The following EARS2 variants were observed in gnomAD, a reference collection of about 807,000 sequenced individuals.
The protein encoded by EARS2 is glutamyl-tRNA synthetase 2, mitochondrial.
A neutral mutation model predicts 54.1 loss-of-function variants in EARS2; 50 were observed. That is an observed-to-expected ratio of 0.92 (90% CI 0.74 to 1.17). EARS2 has a LOEUF of 1.17. Among genes scored for constraint, EARS2 ranks in the 50% most tolerant of loss-of-function variants. The pLI is 0.00. For synonymous variants in EARS2, 298 were observed against 281.0 expected, an observed-to-expected ratio of 1.06 and a Z score of -0.61; for missense variants, 673 against 675.0, an observed-to-expected ratio of 1.00 and a Z score of 0.03.
chr16:23,527,550 C>CTTTTTTT (rs33925429), intron 7 of EARS2, among the ~76,000 whole-genome samples: 2 of 84,482 alleles, frequency 2.4e-5, no homozygotes, highest in Non-Finnish European at 4.8e-5. Flanking sequence ...AGTGATCGTT[C>CTTTTTTT]TTTTTTTTTT....
intron 1 of EARS2, among the ~76,000 whole-genome samples, chr16:23,552,688 G>A (rs1266004943): frequency 1.3e-5 from 2 of 152,152 alleles, no homozygotes; most frequent in East Asian, 1.9e-4. Context: ...ACAGGCATTC[G>A]CCATGTTGGC....
At chr16:23,525,213 G>C (rs767970292) in intron 8 of EARS2, 31 bp downstream of exon 8, 89 of 1,614,004 alleles carry the variant, frequency 5.5e-5, no homozygotes, top group Non-Finnish European at 7.4e-5. Flanking sequence ...AGGGGCTCCA[G>C]GGAACAATCC....
upstream of EARS2, chr16:23,557,368 C>T (rs970957750): frequency 1.3e-6 from 2 of 1,536,886 alleles, no homozygotes; most frequent in Admixed American, 2.0e-5. Context: ...CACACGTGGG[C>T]TTCTCCCTGC....
Position 23,524,256 on chromosome 16 carries a change from C to A in EARS2, c.*115G>T. ...TGTGCAGTCAGAGATTGTTTCCACT[C>A]TTAGTTCCTTCAGCAAACTTCCCGA... On this transcript the variant is annotated 3_prime_UTR_variant, in exon 9 of 9. Coordinates refer to ENST00000449606, the MANE Select transcript of EARS2 (RefSeq NM_001083614.2). The A allele has an allele frequency of 1.2e-6, 1 of 846,192 alleles. No individual in the cohort carries two copies. Among genetic ancestry groups the A allele is most frequent in the East Asian group, 2.4e-5 (1 of 41,414 alleles). 52.4% of individuals were successfully genotyped at this position (846,192 alleles called of 1,614,324 possible). A position where few individuals can be genotyped will look rare whatever the true frequency, so the allele number is the denominator to read the frequency against.
At chr16:23,531,045 C>A (rs1321354367) in intron 5 of EARS2, among the ~76,000 whole-genome samples, 1 of 150,718 alleles carries the variant, frequency 6.6e-6, no homozygotes, top group African/African-American at 2.5e-5. Flanking sequence ...GCGCCCGCCA[C>A]GTCGGGCTGA....
intron 1 of EARS2, among the ~76,000 whole-genome samples, chr16:23,556,352 G>C (rs750189832): frequency 6.6e-6 from 1 of 152,122 alleles, no homozygotes; most frequent in Non-Finnish European, 1.5e-5. Context: ...TACCCAGAAG[G>C]TTCCTTCTTT....
chr16:23,545,471 G>C (rs1449044090), intron 2 of EARS2, among the ~76,000 whole-genome samples: 1 of 152,172 alleles, frequency 6.6e-6, no homozygotes, highest in African/African-American at 2.4e-5. Flanking sequence ...TGCCATAAAA[G>C]ACACTTTTCC....
rs977777840 is a variant in EARS2 at position 23,523,195 on chromosome 16, G to C, written c.*1176C>G. On this transcript the variant is annotated 3_prime_UTR_variant, in exon 9 of 9. Transcript: ENST00000449606. ...GGCCAACTTAGAGGCTGGCTGCCAT[G>C]CAGGGGAAGCCTAGAAGCCTGGTAG... The C allele has an allele frequency of 3.3e-5, 5 of 152,320 alleles. No homozygotes were observed. Among genetic ancestry groups the C allele is most frequent in the African/African-American group, 1.2e-4 (5 of 41,470 alleles). The allele number at this position is 152,320 out of a possible 1,614,324, so 9.4% of individuals were successfully genotyped here.
In EARS2 at chr16:23,554,503, C is replaced by G. The variant is rs1390434729; in HGVS notation, c.140-2199G>C. On this transcript the variant is annotated intron_variant, in intron 1 of 8. Transcript: ENST00000449606. ...TCTTACCGTACCTTCTTCGGACCAG[C>G]CCACAGCCCTAAGTCTCCACAATGA... 3.9e-5 allele frequency among the ~76,000 whole-genome samples: 6 copies of G among 152,194 alleles called. No individual in the cohort carries two copies. The East Asian group carries it at 1.2e-3, about 29-fold the overall frequency.
intron 1 of EARS2, 78 bp downstream of exon 1, chr16:23,557,127 G>A (rs553435071): frequency 2.0e-6 from 3 of 1,480,922 alleles, no homozygotes; most frequent in Non-Finnish European, 1.8e-6. Context: ...CCACCGGAAA[G>A]GATTCATTCG....
chr16:23,529,926 C>T, intron 5 of EARS2, 29 bp from the exon 6 acceptor site: 1 of 1,610,952 alleles, frequency 6.2e-7, no homozygotes, highest in South Asian at 1.1e-5. Context: ...GGCTGCCCTG[C>T]TGTCAACACC....
chr16:23,534,360 C>A (rs1039756400), intron 4 of EARS2, among the ~76,000 whole-genome samples: 2 of 152,194 alleles, frequency 1.3e-5, no homozygotes, highest in Non-Finnish European at 2.9e-5. Context: ...CTTGCTTCTT[C>A]AAGGTTTGGG....
intron 7 of EARS2, among the ~76,000 whole-genome samples, chr16:23,526,910 G>T (rs901272896): frequency 6.6e-6 from 1 of 152,074 alleles, no homozygotes; most frequent in Non-Finnish European, 1.5e-5. Context: ...GAATAGGCTG[G>T]GGATGAGTAT....
In EARS2 at chr16:23,544,530, T is replaced by C; in HGVS notation, c.469A>G (p.Asn157Asp). The C allele has an allele frequency of 1.2e-6, 2 of 1,613,782 alleles. No individual in the cohort carries two copies. Among genetic ancestry groups the C allele is most frequent in the Non-Finnish European group, 1.7e-6 (2 of 1,179,816 alleles). Reference sequence around the variant, plus strand: ...GGTTCTTACCGGGGCGTCTGGTGGTTCCGCAAGGCCTCCTTCTTCAGGAGC... The same window carrying C: ...GGTTCTTACCGGGGCGTCTGGTGGTCCCGCAAGGCCTCCTTCTTCAGGAGC... ...LELLKKEALRNHQTPRYDNRC... is the reference protein window; with the variant it reads ...LELLKKEALRDHQTPRYDNRC... Residue 157 changes from asparagine to aspartate, a missense_variant, in exon 3 of 9, where the codon AAC (asparagine) becomes GAC (aspartate). Asn to Asp is a conservative substitution (Grantham distance 23). Transcript: ENST00000449606.
Position 23,522,135 on chromosome 16 carries a change from C to G in EARS2, c.*2236G>C. ...AATAAATTACAAGTATTATTATTGT[C>G]CCCTTCTGTGGTCAACCACCTGTTG... On this transcript the variant is annotated 3_prime_UTR_variant, in exon 9 of 9. Transcript: ENST00000449606. 1 of 241,236 alleles carries G rather than the reference C, an allele frequency of 4.1e-6. No individual in the cohort carries two copies. The highest frequency in any genetic ancestry group is 9.2e-5 in the East Asian group (1 of 10,886). 14.9% of individuals were successfully genotyped at this position (241,236 alleles called of 1,614,324 possible). A position where few individuals can be genotyped will look rare whatever the true frequency, so the allele number is the denominator to read the frequency against.
chr16:23,532,605 C>T, intron 5 of EARS2, 52 bp downstream of exon 5: 7 of 1,390,954 alleles, frequency 5.0e-6, no homozygotes, highest in Admixed American at 1.8e-5. Context: ...TAGGGATCAT[C>T]ATAAGCAAGA....
intron 1 of EARS2, among the ~76,000 whole-genome samples, chr16:23,555,903 T>G (rs1038700530): frequency 6.6e-6 from 1 of 152,230 alleles, no homozygotes; most frequent in Admixed American, 6.5e-5. Flanking sequence ...GAAACTTACA[T>G]AGCAATCTGG....
At chr16:23,546,281 C>G in intron 2 of EARS2, 1 of 414,308 alleles carries the variant, frequency 2.4e-6, no homozygotes, top group Non-Finnish European at 4.9e-6. Flanking sequence ...TTTCTGCCCT[C>G]AAAGAGCTTT....
chr16:23,525,184 T>A, intron 8 of EARS2, 60 bp downstream of exon 8: 4 of 1,613,120 alleles, frequency 2.5e-6, no homozygotes, highest in Non-Finnish European at 3.4e-6. Flanking sequence ...CCAGGAAATG[T>A]AAGTTCAAAG....
Sources: allele counts gnomAD v4.1 joint callset (sites outside exome capture counted in the v4.1 genomes callset), GRCh38; gene constraint gnomAD v4.1.1; transcripts MANE v1.5; gene names NCBI Gene and HGNC (gene_info 2026-07-23, HGNC 2026-07-21).